IL1RAP: variants seen among roughly 807,000 people sequenced by gnomAD.
IL1RAP encodes the protein interleukin-1 receptor accessory protein.
A neutral mutation model predicts 60.7 loss-of-function variants in IL1RAP; 35 were observed. The ratio of observed to expected loss-of-function variants is 0.58; its 90% CI spans 0.44 to 0.76. IL1RAP has a LOEUF of 0.76. IL1RAP is among the 30% of genes least tolerant of loss of function. The pLI is 0.00. For missense variants in IL1RAP, 572 were observed against 693.9 expected (o/e 0.82, Z 1.97); for synonymous variants, 268 against 250.9 (o/e 1.07, Z -0.64).
intron 1 of IL1RAP, among the ~76,000 whole-genome samples, chr3:190,526,354 C>G (rs1336966252): frequency 2.0e-5 from 3 of 152,284 alleles, no homozygotes; most frequent in South Asian, 2.1e-4. Flanking sequence ...CTATTCTGCT[C>G]TTTGATTGTA....
At chr3:190,517,885 G>C (rs1472606624) in intron 1 of IL1RAP, 2 of 152,100 alleles carry the variant, frequency 1.3e-5, no homozygotes, top group Non-Finnish European at 2.9e-5. Flanking sequence ...GTAGGATCTG[G>C]TGAGTCACTG....
chr3:190,615,321 A>G (rs1455993214), intron 5 of IL1RAP: 1 of 1,281,606 alleles, frequency 7.8e-7, no homozygotes. Flanking sequence ...TTATTCACAT[A>G]GGAACCTCCA....
rs150090165 is a variant in IL1RAP, at chr3:190,621,376, G to GTTC, written c.703+939_703+941dup. On this transcript the variant is annotated intron_variant, in intron 6 of 11. Coordinates refer to ENST00000447382, the MANE Select transcript of IL1RAP (RefSeq NM_002182.4). ...TTCAAACAATGTCGTAATCACTTCT[G>GTTC]TTCTTTTTCTGCTTACTTTCTAAAT... Among the ~76,000 whole-genome samples, 1,003 of 152,266 alleles carry GTTC rather than the reference G, an allele frequency of 6.6e-3. 11 individuals carry two copies. Among genetic ancestry groups the GTTC allele is most frequent in the African/African-American group, 0.023 (966 of 41,556 alleles).
At chr3:190,648,297 T>C (rs372144304) in intron 11 of IL1RAP, 41 bp from the exon 12 acceptor site, 2 of 1,529,206 alleles carry the variant, frequency 1.3e-6, no homozygotes, top group African/African-American at 2.8e-5. Context: ...TTTGGGGAGT[T>C]TTTGGCCAAC....
At chr3:190,551,616 G>T (rs1330400026) in intron 1 of IL1RAP, among the ~76,000 whole-genome samples, 1 of 152,182 alleles carries the variant, frequency 6.6e-6, no homozygotes, top group Non-Finnish European at 1.5e-5. Flanking sequence ...TGTTTTGCTT[G>T]ATATTTGTGA....
intron 1 of IL1RAP, among the ~76,000 whole-genome samples, chr3:190,519,201 T>A (rs1721797017): frequency 6.6e-6 from 1 of 152,198 alleles, no homozygotes; most frequent in South Asian, 2.1e-4. Flanking sequence ...TCCTTTCAAC[T>A]TTGAGATTCT....
intron 3 of IL1RAP, among the ~76,000 whole-genome samples, chr3:190,591,695 A>G (rs1468376138): frequency 6.6e-6 from 1 of 152,232 alleles, no homozygotes; most frequent in Non-Finnish European, 1.5e-5. Context: ...GATCCTGAAT[A>G]AATATTATCT....
At chr3:190,588,472 A>T (rs1728662395) in intron 3 of IL1RAP, among the ~76,000 whole-genome samples, 1 of 152,198 alleles carries the variant, frequency 6.6e-6, no homozygotes, top group South Asian at 2.1e-4. Flanking sequence ...AATCACATGC[A>T]GCATTGGGAG....
intron 3 of IL1RAP, among the ~76,000 whole-genome samples, chr3:190,585,838 A>T (rs968632562): frequency 6.6e-6 from 1 of 152,056 alleles, no homozygotes; most frequent in African/African-American, 2.4e-5. Flanking sequence ...AAGAAAAAAA[A>T]GTCACTTTAT....
At chr3:190,612,693 T>G (rs1241217844) in intron 5 of IL1RAP, among the ~76,000 whole-genome samples, 2 of 152,216 alleles carry the variant, frequency 1.3e-5, no homozygotes, top group Non-Finnish European at 2.9e-5. Context: ...CCTCATGGTA[T>G]GTCAAGTAGC....
At chr3:190,644,569 T>A (rs985351219) in intron 10 of IL1RAP, among the ~76,000 whole-genome samples, 172 bp downstream of exon 10, 1 of 152,220 alleles carries the variant, frequency 6.6e-6, no homozygotes. Flanking sequence ...CCGAAGATTA[T>A]TATTCTATTT....
intron 1 of IL1RAP, chr3:190,517,908 T>C (rs750788625): frequency 1.1e-4 from 17 of 152,072 alleles, no homozygotes; most frequent in African/African-American, 4.1e-4. Context: ...GCCTTGCCCA[T>C]GAAATATTAA....
intron 10 of IL1RAP, 22 bp downstream of exon 10, chr3:190,644,419 T>G: frequency 6.4e-7 from 1 of 1,569,692 alleles, no homozygotes; most frequent in Non-Finnish European, 8.8e-7. Flanking sequence ...AAATTTGACA[T>G]AAACCTCTTC....
intron 3 of IL1RAP, among the ~76,000 whole-genome samples, chr3:190,586,171 C>T (rs756360425): frequency 3.3e-5 from 5 of 152,192 alleles, no homozygotes; most frequent in African/African-American, 4.8e-5. Flanking sequence ...TCCTATGACA[C>T]GTTGCATCTT....
chr3:190,624,147 A>G (rs888242627), intron 7 of IL1RAP, among the ~76,000 whole-genome samples: 2 of 152,278 alleles, frequency 1.3e-5, no homozygotes, highest in African/African-American at 4.8e-5. Flanking sequence ...AATTGCAGAT[A>G]GCAATCCAGG....
chr3:190,595,747 C>T (rs1322438295), intron 3 of IL1RAP, among the ~76,000 whole-genome samples: 1 of 152,146 alleles, frequency 6.6e-6, no homozygotes, highest in East Asian at 1.9e-4. Context: ...ACTCTCACCT[C>T]CACCCTCCGC....
At chr3:190,528,034 G>C (rs1722665384) in intron 1 of IL1RAP, among the ~76,000 whole-genome samples, 1 of 151,890 alleles carries the variant, frequency 6.6e-6, no homozygotes, top group Non-Finnish European at 1.5e-5. Context: ...CTTCTTAAAT[G>C]TTTGCTTTAA....
chr3:190,575,990 G>T (rs535779076), intron 3 of IL1RAP, among the ~76,000 whole-genome samples: 2 of 152,192 alleles, frequency 1.3e-5, no homozygotes, highest in Non-Finnish European at 2.9e-5. Context: ...GCAGCTGGCG[G>T]CTACCCAGGG....
At chr3:190,519,751 A>G (rs1721848355) in intron 1 of IL1RAP, among the ~76,000 whole-genome samples, 1 of 151,868 alleles carries the variant, frequency 6.6e-6, no homozygotes, top group African/African-American at 2.4e-5. Context: ...CTCTATTGTT[A>G]TTATTATTAT....
Sources: gnomAD v4.1 joint callset for allele counts (sites outside exome capture counted in the v4.1 genomes callset) on GRCh38, gnomAD v4.1.1 for gene constraint, MANE v1.5 for transcripts, NCBI Gene and HGNC (gene_info 2026-07-23, HGNC 2026-07-21) for gene names.